Variants in FCAMR observed in about 807,000 individuals in gnomAD.
The protein encoded by FCAMR is Fc alpha and mu receptor.
FCAMR carries 51 observed loss-of-function variants against 52.2 expected under a neutral mutation model. The observed-to-expected ratio is 0.98, with a 90% confidence interval of 0.78 to 1.23. FCAMR has a LOEUF of 1.23. Among genes scored for constraint, FCAMR ranks in the 50% most tolerant of loss-of-function variants. The probability of loss-of-function intolerance (pLI) is 0.00; values close to 1 mark genes in which losing one functional copy is unlikely to be tolerated. For synonymous variants in FCAMR, 282 were observed against 262.0 expected, an observed-to-expected ratio of 1.08 and a Z score of -0.74; for missense variants, 719 against 712.6, an observed-to-expected ratio of 1.01 and a Z score of -0.10.
intron 6 of FCAMR, 139 bp from the exon 7 acceptor site, chr1:206,959,936 G>C: frequency 3.0e-6 from 2 of 675,428 alleles, no homozygotes; most frequent in South Asian, 3.4e-5. Flanking sequence ...TCCCATGGCT[G>C]GTTAGTGTCA....
Position 206,970,165 on chromosome 1 carries a change from C to T in FCAMR, c.-40G>A. ...AAGATCCAGGTGGACTTTTCTTCTC[C>T]TTATGAGATGCAGGTGTTTGGACGA... On this transcript the variant is annotated 5_prime_UTR_variant, in exon 1 of 8. Coordinates refer to ENST00000324852, the MANE Select transcript of FCAMR (RefSeq NM_001170631.2). The T allele has an allele frequency of 2.5e-6, 4 of 1,611,954 alleles. No homozygotes were observed. Among genetic ancestry groups the T allele is most frequent in the Non-Finnish European group, 3.4e-6 (4 of 1,178,300 alleles).
intron 4 of FCAMR, 28 bp downstream of exon 4, chr1:206,965,687 T>G: frequency 6.5e-7 from 1 of 1,533,622 alleles, no homozygotes; most frequent in Non-Finnish European, 8.7e-7. Flanking sequence ...AGGTCCATGG[T>G]CGAACAAAGG....
chr1:206,958,367 G>C lies in FCAMR; in HGVS notation c.*149C>G. ...CTTGACTTTCTTGGGCCCAAGGACA[G>C]CCAGCCTTTCTTCCATGGGTGGAGC... On this transcript the variant is annotated 3_prime_UTR_variant, in exon 8 of 8. Transcript: ENST00000324852. 2 of 885,458 alleles carry C rather than the reference G, an allele frequency of 2.3e-6. No homozygotes were observed. The highest frequency in any genetic ancestry group is 3.4e-6 in the Non-Finnish European group (2 of 596,272). 54.9% of individuals were successfully genotyped at this position (885,458 alleles called of 1,614,324 possible). A position where few individuals can be genotyped will look rare whatever the true frequency, so the allele number is the denominator to read the frequency against.
In FCAMR at chr1:206,960,402, G is replaced by A. The variant is rs953015880; in HGVS notation, c.1454+20C>T. On this transcript the variant is annotated intron_variant, in intron 6 of 7. Transcript: ENST00000324852. ...GGCAGATGTGGGGCCCCCCAACCGG[G>A]AGAAGGTGCCTGGGGTTACCGCTTC... 2.4e-5 allele frequency: 35 copies of A among 1,465,790 alleles called. No homozygotes were observed. The highest frequency in any genetic ancestry group is 2.9e-5 in the Non-Finnish European group (32 of 1,109,328). 90.8% of individuals were successfully genotyped at this position (1,465,790 alleles called of 1,614,324 possible).
intron 6 of FCAMR, chr1:206,960,124 A>T: frequency 2.0e-6 from 1 of 500,000 alleles, no homozygotes; most frequent in Non-Finnish European, 3.5e-6. Context: ...GCTTCAGTGC[A>T]TCACCCCCTC....
chr1:206,969,095 C>T, intron 1 of FCAMR: 1 of 294,632 alleles, frequency 3.4e-6, no homozygotes, highest in Non-Finnish European at 6.8e-6. Context: ...CTGCACCTAA[C>T]TCATAATTTG....
chr1:206,967,689 AT>A (rs1271532590), intron 1 of FCAMR, 38 bp from the exon 2 acceptor site: 2 of 1,600,490 alleles, frequency 1.2e-6, no homozygotes, highest in Non-Finnish European at 1.7e-6. Flanking sequence ...TCAAGGGAAG[AT>A]TTCTGTTTCA....
chr1:206,968,121 C>T (rs753401566), intron 1 of FCAMR, among the ~76,000 whole-genome samples: 4 of 152,132 alleles, frequency 2.6e-5, no homozygotes, highest in Non-Finnish European at 5.9e-5. Context: ...GGGTGGATCA[C>T]GAGGTTAGGA....
chr1:206,964,204 C>T (rs1680617671), intron 4 of FCAMR, among the ~76,000 whole-genome samples: 1 of 152,136 alleles, frequency 6.6e-6, no homozygotes, highest in Admixed American at 6.6e-5. Flanking sequence ...GATTCTCTCC[C>T]TCCTTCATTT....
At chr1:206,960,363 C>A (rs1409007482) in intron 6 of FCAMR, 59 bp downstream of exon 6, 1 of 1,437,576 alleles carries the variant, frequency 7.0e-7, no homozygotes, top group Non-Finnish European at 9.2e-7. Flanking sequence ...GCCTCCCTTG[C>A]ATGCCAGGGA....
Position 206,970,243 on chromosome 1 carries a change from T to C in FCAMR, c.-118A>G. 1.6e-6 allele frequency: 2 copies of C among 1,233,236 alleles called. No homozygotes were observed. Among genetic ancestry groups the C allele is most frequent in the Non-Finnish European group, 2.3e-6 (2 of 863,930 alleles). 76.4% of individuals were successfully genotyped at this position (1,233,236 alleles called of 1,614,324 possible). On this transcript the variant is annotated 5_prime_UTR_variant, in exon 1 of 8. Coordinates refer to ENST00000324852, the MANE Select transcript of FCAMR (RefSeq NM_001170631.2). ...AGACTGAGAAGTCAAGGTGGTATTT[T>C]GGAAAGCAGCTGGAGCTAGCAACGG...
At chr1:206,962,605 T>A in intron 4 of FCAMR, 54 bp from the exon 5 acceptor site, 2 of 1,421,390 alleles carry the variant, frequency 1.4e-6, no homozygotes, top group Non-Finnish European at 1.9e-6. Context: ...TAGTCACTGT[T>A]TGGGGACTCA....
At chr1:206,960,015 G>A (rs1205799009) in intron 6 of FCAMR, 1 of 551,880 alleles carries the variant, frequency 1.8e-6, no homozygotes. Context: ...CCACCCATCT[G>A]TGTGTGGGCC....
At chr1:206,968,162 A>T (rs192159206) in intron 1 of FCAMR, among the ~76,000 whole-genome samples, 49 of 152,304 alleles carry the variant, frequency 3.2e-4, no homozygotes, top group Non-Finnish European at 6.2e-4. Context: ...ACATGGTGAA[A>T]TCCCATCTTT....
At chr1:206,969,894 G>A (rs1182822842) in intron 1 of FCAMR, among the ~76,000 whole-genome samples, 193 bp downstream of exon 1, 1 of 152,144 alleles carries the variant, frequency 6.6e-6, no homozygotes, top group Non-Finnish European at 1.5e-5. Flanking sequence ...ACTCTGGTGG[G>A]TGTGAGCAGA....
Position 206,960,596 on chromosome 1 carries a change from A to T in FCAMR, c.1280T>A (p.Ile427Asn). The T allele has an allele frequency of 1.3e-6, 2 of 1,551,692 alleles. No homozygotes were observed. Among genetic ancestry groups the T allele is most frequent in the Non-Finnish European group, 1.7e-6 (2 of 1,146,942 alleles). Residue 427 changes from isoleucine (I) to asparagine (N), a missense_variant, in exon 6 of 8, where the codon ATC becomes AAC. By Grantham distance (149) the Ile-to-Asn change is moderately radical. Coordinates refer to ENST00000324852, the MANE Select transcript of FCAMR (RefSeq NM_001170631.2). The part of the protein sequence containing the change: ...TLGTPAADVW[I>N]LGTPAADVWT... ...CACATCTGCAGCTGGAGTTCCCAAGATCCACACATCTGCAGCTGGAGTTCC... is the reference window on the plus strand; with the variant it reads ...CACATCTGCAGCTGGAGTTCCCAAGTTCCACACATCTGCAGCTGGAGTTCC...
chr1:206,961,967 G>T (rs1680523248), intron 5 of FCAMR, among the ~76,000 whole-genome samples: 1 of 152,208 alleles, frequency 6.6e-6, no homozygotes, highest in Non-Finnish European at 1.5e-5. Context: ...CATGACATTT[G>T]GGGGACACAG....
chr1:206,962,549 G>C lies in FCAMR; in HGVS notation c.316C>G (p.Pro106Ala), dbSNP rs753000721. ...CWREESSFAAPNSLKGSRLVS... is the reference protein window; with the variant it reads ...CWREESSFAAANSLKGSRLVS... ...AGCCTTGAGCCCTTCAATGAATTTGGAGCTGCAGACAGAGAAGGAAGTCAA... is the reference window on the plus strand; with the variant it reads ...AGCCTTGAGCCCTTCAATGAATTTGCAGCTGCAGACAGAGAAGGAAGTCAA... Residue 106 changes from proline to alanine, a missense_variant and splice_region_variant, in exon 5 of 8, where the codon CCA becomes GCA. Physicochemically the swap from Pro to Ala is conservative, Grantham distance 27 (BLOSUM62 -1). Transcript: ENST00000324852. The C allele has an allele frequency of 6.5e-7, 1 of 1,545,738 alleles. No homozygotes were observed. Among genetic ancestry groups the C allele is most frequent in the Non-Finnish European group, 8.8e-7 (1 of 1,141,642 alleles).
At position 206,958,321 on chromosome 1, in the gene FCAMR, C is replaced by T. The variant is rs41307650; in HGVS notation, c.*195G>A. The T allele has an allele frequency of 9.2e-3, 5,473 of 594,910 alleles. 36 individuals are homozygous for T. The highest frequency in any genetic ancestry group is 0.014 in the Middle Eastern group (31 of 2,224). 36.9% of individuals were successfully genotyped at this position (594,910 alleles called of 1,614,324 possible). On this transcript the variant is annotated 3_prime_UTR_variant, in exon 8 of 8. Coordinates refer to ENST00000324852, the MANE Select transcript of FCAMR (RefSeq NM_001170631.2). ...TGAAGTCTCCTTTGAGTCATCTTGT[C>T]ACCTTTGGACGTGGATAATGCTTGA...
Sources: gnomAD v4.1 joint callset for allele counts (sites outside exome capture counted in the v4.1 genomes callset) on GRCh38, gnomAD v4.1.1 for gene constraint, MANE v1.5 for transcripts, NCBI Gene and HGNC (gene_info 2026-07-23, HGNC 2026-07-21) for gene names.